The following NUP93 variants were observed in gnomAD, a reference collection of about 807,000 sequenced individuals.
The protein encoded by NUP93 is nucleoporin 93.
In NUP93, 55 loss-of-function variants were observed where a neutral mutation model predicts 107.8. The ratio of observed to expected loss-of-function variants is 0.51; its 90% CI spans 0.41 to 0.64. The LOEUF (loss-of-function observed/expected upper bound fraction) is 0.64, where lower values mean the gene tolerates loss of function less well. NUP93 is among the 30% of genes least tolerant of loss of function. The pLI is 0.00. For missense variants in NUP93, 937 were observed against 1,044.7 expected (o/e 0.90, Z 1.42); for synonymous variants, 390 against 397.5 (o/e 0.98, Z 0.22).
At chr16:56,781,911 C>G in intron 3 of NUP93, 1 of 985,340 alleles carries the variant, frequency 1.0e-6, no homozygotes, top group Non-Finnish European at 1.2e-6. Context: ...TGATGCTGTG[C>G]TCCGGGGGCT....
Position 56,832,331 on chromosome 16 carries a change from T to G in NUP93, c.1288T>G (p.Ser430Ala), listed in dbSNP as rs771039642. The G allele has an allele frequency of 1.9e-6, 3 of 1,614,124 alleles. No homozygotes were observed. Among genetic ancestry groups the G allele is most frequent in the Non-Finnish European group, 2.5e-6 (3 of 1,180,002 alleles). The change falls in exon 12 of 22, where the codon TCC becomes GCC. Residue 430 changes from serine (S) to alanine (A), a missense_variant. Physicochemically the swap from Ser to Ala is moderately conservative, Grantham distance 99. Coordinates refer to ENST00000308159, the MANE Select transcript of NUP93 (RefSeq NM_014669.5). The stretch of plus-strand genomic sequence containing the variant: ...GTGTTTTGACGACGATGGCACCAGC[T>G]CCCCACAAGACAGGCTCACTCTCTC... ...QVCFDDDGTS[S>A]PQDRLTLSQF...
chr16:56,781,957 A>G, intron 3 of NUP93: 7 of 985,304 alleles, frequency 7.1e-6, no homozygotes, highest in Non-Finnish European at 8.4e-6. Context: ...CTGCAATCTC[A>G]TTGTTTAATT....
At chr16:56,839,350 A>G in intron 19 of NUP93, 171 bp from the exon 20 acceptor site, 1 of 445,994 alleles carries the variant, frequency 2.2e-6, no homozygotes, top group Admixed American at 4.3e-5. Flanking sequence ...TCAGGAAATG[A>G]TGATAAGAAT....
chr16:56,821,112 C>T (rs534280959), intron 6 of NUP93, among the ~76,000 whole-genome samples: 90 of 152,312 alleles, frequency 5.9e-4, no homozygotes, highest in African/African-American at 2.2e-3. Flanking sequence ...CCACTCCATC[C>T]ATGAACCCTA....
At chr16:56,741,713 T>C (rs1417555218) in intron 1 of NUP93, 1 of 152,252 alleles carries the variant, frequency 6.6e-6, no homozygotes, top group Non-Finnish European at 1.5e-5. Context: ...CTTTCTCTGA[T>C]GTATATAAAA....
At chr16:56,762,206 A>G (rs1289195530) in intron 3 of NUP93, among the ~76,000 whole-genome samples, 1 of 152,192 alleles carries the variant, frequency 6.6e-6, no homozygotes, top group Non-Finnish European at 1.5e-5. Flanking sequence ...GCACATCTTT[A>G]CTGTGGTCTG....
intron 19 of NUP93, 83 bp downstream of exon 19, chr16:56,839,152 CA>C (rs1963970784): frequency 1.5e-5 from 11 of 731,382 alleles, no homozygotes; most frequent in South Asian, 1.0e-4. Flanking sequence ...TTACTTAAAA[CA>C]AAGGAGCTGT....
chr16:56,772,805 A>G (rs544977432), intron 3 of NUP93, among the ~76,000 whole-genome samples: 1 of 152,314 alleles, frequency 6.6e-6, no homozygotes, highest in South Asian at 2.1e-4. Flanking sequence ...GCCTCTGCTA[A>G]TTTTCTACCT....
Position 56,779,666 on chromosome 16 carries a change from C to G in NUP93, c.298-18810C>G, listed in dbSNP as rs139414501. Among the ~76,000 whole-genome samples, 1,176 of 152,276 alleles carry G rather than the reference C, an allele frequency of 7.7e-3. 2 individuals are homozygous for G. The highest frequency in any genetic ancestry group is 0.011 in the Non-Finnish European group (759 of 68,032). ...GCATATCTTGCAACTCCAAGCCAGC[C>G]ACTCATCTAGTTTCCTTGGGATACT... On this transcript the variant is annotated intron_variant, in intron 3 of 21. Coordinates refer to ENST00000308159, the MANE Select transcript of NUP93 (RefSeq NM_014669.5).
chr16:56,749,107 C>A (rs1299232546), intron 2 of NUP93, among the ~76,000 whole-genome samples: 1 of 152,172 alleles, frequency 6.6e-6, no homozygotes, highest in African/African-American at 2.4e-5. Flanking sequence ...AAGGTCCACG[C>A]TGTGCCAGGT....
intron 3 of NUP93, chr16:56,782,087 G>A (rs947645856): frequency 3.9e-5 from 38 of 985,020 alleles, no homozygotes; most frequent in Non-Finnish European, 4.0e-5. Flanking sequence ...CTCAATTCAG[G>A]CAGTTTGGGG....
At chr16:56,770,103 G>T (rs1029577816) in intron 3 of NUP93, among the ~76,000 whole-genome samples, 1 of 152,148 alleles carries the variant, frequency 6.6e-6, no homozygotes, top group Non-Finnish European at 1.5e-5. Flanking sequence ...GTACTCTTTG[G>T]GCTATCTGGC....
At chr16:56,772,527 TC>T (rs1377068360) in intron 3 of NUP93, among the ~76,000 whole-genome samples, 2 of 152,240 alleles carry the variant, frequency 1.3e-5, no homozygotes, top group Non-Finnish European at 2.9e-5. Context: ...CTGCCTTTCC[TC>T]TGACCATTTC....
chr16:56,773,862 T>C (rs1327426415), intron 3 of NUP93, among the ~76,000 whole-genome samples: 2 of 152,202 alleles, frequency 1.3e-5, no homozygotes, highest in African/African-American at 4.8e-5. Context: ...TGCAAAGCAG[T>C]GTATTTATCT....
intron 3 of NUP93, among the ~76,000 whole-genome samples, chr16:56,792,165 G>A (rs182119815): frequency 9.2e-5 from 14 of 152,184 alleles, no homozygotes; most frequent in African/African-American, 3.4e-4. Context: ...GGGCAACAGG[G>A]TGAGACCCCA....
intron 5 of NUP93, among the ~76,000 whole-genome samples, chr16:56,818,349 G>T (rs1183619000): frequency 6.6e-6 from 1 of 152,188 alleles, no homozygotes; most frequent in Non-Finnish European, 1.5e-5. Flanking sequence ...GAGGTAGAGA[G>T]GGGGCTTGAG....
At chr16:56,834,482 G>A (rs1412573369) in intron 15 of NUP93, 40 bp downstream of exon 15, 6 of 1,594,092 alleles carry the variant, frequency 3.8e-6, no homozygotes, top group East Asian at 4.5e-5. Context: ...ATGGTTTTCA[G>A]TGTGCATGTC....
chr16:56,838,143 A>G (rs1963951231), intron 18 of NUP93, among the ~76,000 whole-genome samples: 1 of 152,190 alleles, frequency 6.6e-6, no homozygotes, highest in Non-Finnish European at 1.5e-5. Flanking sequence ...ATCCCCAGTG[A>G]GTTAACTGAA....
chr16:56,731,041 T>A (rs991444687), intron 1 of NUP93, among the ~76,000 whole-genome samples: 1 of 152,080 alleles, frequency 6.6e-6, no homozygotes, highest in Non-Finnish European at 1.5e-5. Context: ...GCTTTTCTTC[T>A]TTATTTTTTT....
Sources: gnomAD v4.1 joint callset for allele counts (sites outside exome capture counted in the v4.1 genomes callset) on GRCh38, gnomAD v4.1.1 for gene constraint, MANE v1.5 for transcripts, NCBI Gene and HGNC (gene_info 2026-07-23, HGNC 2026-07-21) for gene names.